Variants in DEUP1 observed in about 807,000 individuals in gnomAD.
The protein encoded by DEUP1 is coiled-coil domain containing 67.
Under a neutral mutation model 87.4 loss-of-function variants are expected in DEUP1, and 82 were observed. The ratio of observed to expected loss-of-function variants is 0.94; its 90% CI spans 0.78 to 1.13. The LOEUF is 1.13. Ranked by LOEUF, DEUP1 falls within the 50% of genes most tolerant of loss-of-function variation. The pLI is 0.00. For missense variants in DEUP1, 663 were observed against 681.5 expected, an observed-to-expected ratio of 0.97 and a Z score of 0.30; for synonymous variants, 214 against 222.7, an observed-to-expected ratio of 0.96 and a Z score of 0.35.
chr11:93,387,103 A>G (rs930317111), intron 8 of DEUP1, among the ~76,000 whole-genome samples: 2 of 152,170 alleles, frequency 1.3e-5, no homozygotes, highest in Non-Finnish European at 2.9e-5. Flanking sequence ...TCCAGACTAC[A>G]GCTTTCTTAT....
chr11:93,414,907 C>A (rs567241884), intron 12 of DEUP1, 93 bp from the exon 13 acceptor site: 3 of 606,666 alleles, frequency 4.9e-6, no homozygotes, highest in Non-Finnish European at 8.1e-6. Flanking sequence ...GTGCTTTCCC[C>A]CTACTTGGAC....
chr11:93,368,431 C>T (rs1292367511), intron 5 of DEUP1, among the ~76,000 whole-genome samples: 1 of 152,180 alleles, frequency 6.6e-6, no homozygotes, highest in African/African-American at 2.4e-5. Context: ...TTAATTGACT[C>T]ACAGTTCCAC....
At chr11:93,418,944 A>G (rs1030727289) in intron 13 of DEUP1, among the ~76,000 whole-genome samples, 6 of 150,466 alleles carry the variant, frequency 4.0e-5, no homozygotes, top group African/African-American at 1.5e-4. Context: ...AAAAAACCAA[A>G]CACTGCATAT....
chr11:93,383,008 T>C (rs1946370533), intron 7 of DEUP1, among the ~76,000 whole-genome samples: 1 of 152,172 alleles, frequency 6.6e-6, no homozygotes, highest in African/African-American at 2.4e-5. Flanking sequence ...ACAGGCCTCC[T>C]GGAAAACAGC....
intron 8 of DEUP1, among the ~76,000 whole-genome samples, chr11:93,388,394 T>A (rs1450900267): frequency 6.6e-6 from 1 of 152,208 alleles, no homozygotes; most frequent in African/African-American, 2.4e-5. Flanking sequence ...TTCACTGGTT[T>A]GTCTCATATG....
At chr11:93,350,602 C>T (rs1212955002) in intron 2 of DEUP1, among the ~76,000 whole-genome samples, 1 of 152,066 alleles carries the variant, frequency 6.6e-6, no homozygotes, top group Non-Finnish European at 1.5e-5. Context: ...TAGGGTCTGT[C>T]CTAGACCTGC....
chr11:93,401,979 AG>A (rs1947133889), intron 11 of DEUP1, among the ~76,000 whole-genome samples: 1 of 151,962 alleles, frequency 6.6e-6, no homozygotes, highest in Admixed American at 6.6e-5. Context: ...TCAAAAATAC[AG>A]GCAATCAAAG....
rs560535253 is a variant in DEUP1 at position 93,427,848 on chromosome 11, T to C, written c.1639-9695T>C. On this transcript the variant is annotated intron_variant, in intron 13 of 13. Transcript: ENST00000298050. Reference sequence around the variant, plus strand: ...ACAGACACTTCTCAAAAGAAGACATTTATGCAGCCAAAAAACACATGAAAA... The same window carrying C: ...ACAGACACTTCTCAAAAGAAGACATCTATGCAGCCAAAAAACACATGAAAA... 6.5e-3 allele frequency among the ~76,000 whole-genome samples: 643 copies of C among 98,568 alleles called. 6 individuals carry two copies. Among genetic ancestry groups the C allele is most frequent in the African/African-American group, 0.023 (604 of 26,644 alleles). The allele number at this position is 98,568 out of a possible 152,430, so 64.7% of individuals were successfully genotyped here. A position where few individuals can be genotyped will look rare whatever the true frequency, so the allele number is the denominator to read the frequency against.
chr11:93,399,359 A>G lies in DEUP1; in HGVS notation c.1326+3034A>G, dbSNP rs546530842. On this transcript the variant is annotated intron_variant, in intron 11 of 13. Transcript: ENST00000298050. ...GTTTCTCCTAGTAATTTCCTGTTGG[A>G]TCCTATTTGGAATTGAAGTAAGTTT... Among the ~76,000 whole-genome samples, 7 of 151,892 alleles carry G rather than the reference A, an allele frequency of 4.6e-5. No homozygotes were observed. In the South Asian group the frequency reaches 1.5e-3, roughly 32 times the overall value.
At chr11:93,378,611 G>C (rs2134297694) in intron 7 of DEUP1, among the ~76,000 whole-genome samples, 1 of 152,058 alleles carries the variant, frequency 6.6e-6, no homozygotes, top group African/African-American at 2.4e-5. Context: ...ATCCATTGCT[G>C]GCGAGCTAGT....
Position 93,391,405 on chromosome 11 carries a change from T to G in DEUP1, c.1041+2280T>G, listed in dbSNP as rs1467008982. ...TTTTCACAGTAGTATATTCATTTTT[T>G]TATATTTTAAAAGTTCCATTTTGGC... On this transcript the variant is annotated intron_variant, in intron 9 of 13. Coordinates refer to ENST00000298050, the MANE Select transcript of DEUP1 (RefSeq NM_181645.4). Among the ~76,000 whole-genome samples the G allele has an allele frequency of 2.0e-5, 3 of 152,110 alleles. No individual in the cohort carries two copies. In the East Asian group the frequency reaches 5.8e-4, roughly 29 times the overall value.
At chr11:93,393,086 TC>T (rs1238741048) in intron 9 of DEUP1, among the ~76,000 whole-genome samples, 1 of 53,650 alleles carries the variant, frequency 1.9e-5, no homozygotes, top group Admixed American at 2.8e-4. Context: ...TCTTCCTCCT[TC>T]TTTTTTTTTT....
chr11:93,388,897 A>G (rs549815678), intron 8 of DEUP1, 123 bp from the exon 9 acceptor site: 14 of 585,438 alleles, frequency 2.4e-5, no homozygotes, highest in East Asian at 1.6e-4. Flanking sequence ...CTGTAACTAA[A>G]AATGTTTCCA....
At chr11:93,387,835 TACTA>T (rs1946632395) in intron 8 of DEUP1, among the ~76,000 whole-genome samples, 1 of 152,136 alleles carries the variant, frequency 6.6e-6, no homozygotes, top group African/African-American at 2.4e-5. Context: ...CACAATATAT[TACTA>T]AGTAGGAAAC....
rs566649957 is a variant in DEUP1, at chr11:93,409,018, G to A, written c.1523+591G>A. Reference sequence around the variant, plus strand: ...ACTACAGGCCCCCGCCACTACACCCGGATAATTTTTGTATTTTTAGTAGAG... The same window carrying A: ...ACTACAGGCCCCCGCCACTACACCCAGATAATTTTTGTATTTTTAGTAGAG... On this transcript the variant is annotated intron_variant, in intron 12 of 13. Transcript: ENST00000298050. 4.4e-3 allele frequency among the ~76,000 whole-genome samples: 669 copies of A among 151,988 alleles called. 3 individuals carry two copies. Among genetic ancestry groups the A allele is most frequent in the African/African-American group, 0.015 (632 of 41,478 alleles).
At chr11:93,338,167 C>A (rs1943867680) in intron 2 of DEUP1, among the ~76,000 whole-genome samples, 4 of 152,046 alleles carry the variant, frequency 2.6e-5, no homozygotes. Context: ...AAGTTGTACC[C>A]TCCTTGAACT....
intron 13 of DEUP1, 73 bp from the exon 14 acceptor site, chr11:93,437,470 A>C: frequency 2.1e-5 from 23 of 1,092,406 alleles, no homozygotes; most frequent in Non-Finnish European, 2.6e-5. Flanking sequence ...TCAGGGATGA[A>C]GCATGCCTGG....
Position 93,396,315 on chromosome 11 carries a change from G to A in DEUP1, c.1316G>A (p.Gly439Glu). The change falls in exon 11 of 14, where the codon GGA (glycine) becomes GAA (glutamate). Residue 439 changes from glycine to glutamate, a missense_variant. Physicochemically the swap from Gly to Glu is moderately conservative, Grantham distance 98 (BLOSUM62 -2). Coordinates refer to ENST00000298050, the MANE Select transcript of DEUP1 (RefSeq NM_181645.4). ...GGAATGATGGGAGATTTAGACCCCG[G>A]AGAATACATGGTAATATGCTGACAT... ...LKGMMGDLDP[G>E]EYMSMDFTNR... 1.3e-6 allele frequency: 2 copies of A among 1,552,506 alleles called. No individual in the cohort carries two copies. Among genetic ancestry groups the A allele is most frequent in the African/African-American group, 2.7e-5 (2 of 73,332 alleles).
chr11:93,399,389 A>G (rs538667835), intron 11 of DEUP1, among the ~76,000 whole-genome samples: 88 of 151,978 alleles, frequency 5.8e-4, no homozygotes, highest in Middle Eastern at 3.5e-3. Flanking sequence ...AAGTTTATAG[A>G]TTAACTTTGA....
Sources: allele counts gnomAD v4.1 joint callset (sites outside exome capture counted in the v4.1 genomes callset), GRCh38; gene constraint gnomAD v4.1.1; transcripts MANE v1.5; gene names NCBI Gene and HGNC (gene_info 2026-07-23, HGNC 2026-07-21).